The following ARFGEF2 variants were observed in gnomAD, a reference collection of about 807,000 sequenced individuals.
The protein encoded by ARFGEF2 is ARF guanine nucleotide exchange factor 2, also known as brefeldin A-inhibited guanine nucleotide-exchange protein 2.
Under a neutral mutation model 219.9 loss-of-function variants are expected in ARFGEF2, and 74 were observed. That is an observed-to-expected ratio of 0.34 (90% CI 0.28 to 0.41). ARFGEF2 has a LOEUF of 0.41. Ranked by LOEUF, ARFGEF2 falls within the 10% of genes least tolerant of loss-of-function variation. The pLI is 1.00. For synonymous variants in ARFGEF2, 733 were observed against 799.2 expected (o/e 0.92, Z 1.40); for missense variants, 1,743 against 2,218.3 (o/e 0.79, Z 4.30).
chr20:48,947,517 A>G (rs988845231), intron 3 of ARFGEF2, among the ~76,000 whole-genome samples: 20 of 152,144 alleles, frequency 1.3e-4, no homozygotes, highest in African/African-American at 3.6e-4. Flanking sequence ...CAACATAGGG[A>G]GACCTCATTT....
chr20:48,972,047 C>T (rs1334575545), intron 10 of ARFGEF2, among the ~76,000 whole-genome samples: 2 of 152,212 alleles, frequency 1.3e-5, no homozygotes, highest in East Asian at 1.9e-4. Context: ...TTGAGAAATC[C>T]TATTTTACAT....
At position 48,986,345 on chromosome 20, in the gene ARFGEF2, C is replaced by T. The variant is rs1414300081; in HGVS notation, c.2276+732C>T. 2.0e-5 allele frequency among the ~76,000 whole-genome samples: 3 copies of T among 152,194 alleles called. No homozygotes were observed. The East Asian group carries it at 5.8e-4, about 29-fold the overall frequency. On this transcript the variant is annotated intron_variant, in intron 16 of 38. Transcript: ENST00000371917. Reference sequence around the variant, plus strand: ...TTTCTCTAACTCAGAAGCTCATGTTCGGGCTGGATGCAGTAGCTCTTGCCT... The same window carrying T: ...TTTCTCTAACTCAGAAGCTCATGTTTGGGCTGGATGCAGTAGCTCTTGCCT...
Position 49,036,009 on chromosome 20 carries a change from GTA to G in ARFGEF2, c.*2812_*2813del. ...GTACGAAATGAAAAAAAAAAAACCT[GTA>G]TTTTTTTTGTTGTTCTTTTGTGATT... On this transcript the variant is annotated 3_prime_UTR_variant, in exon 39 of 39. Coordinates refer to ENST00000371917, the MANE Select transcript of ARFGEF2 (RefSeq NM_006420.3). The G allele has an allele frequency of 2.6e-6, 1 of 390,596 alleles. No individual in the cohort carries two copies. The allele number at this position is 390,596 out of a possible 1,614,324, so 24.2% of individuals were successfully genotyped here.
chr20:48,991,235 A>G (rs758902863), intron 21 of ARFGEF2, 37 bp downstream of exon 21: 2 of 1,613,432 alleles, frequency 1.2e-6, no homozygotes, highest in South Asian at 1.1e-5. Flanking sequence ...CTCAGTTAGG[A>G]TGACTCCTGG....
chr20:48,994,329 TA>T, intron 21 of ARFGEF2, 121 bp from the exon 22 acceptor site: 1 of 1,203,580 alleles, frequency 8.3e-7, no homozygotes, highest in Non-Finnish European at 1.2e-6. Flanking sequence ...TAAATTTGCA[TA>T]AACATCTATA....
chr20:49,007,753 G>A (rs1305777526), intron 26 of ARFGEF2, among the ~76,000 whole-genome samples: 1 of 152,132 alleles, frequency 6.6e-6, no homozygotes, highest in South Asian at 2.1e-4. Context: ...CATTTTAAGA[G>A]AACCAAAATT....
intron 16 of ARFGEF2, 105 bp from the exon 17 acceptor site, chr20:48,988,199 A>G: frequency 1.2e-6 from 1 of 803,756 alleles, no homozygotes; most frequent in Non-Finnish European, 2.1e-6. Flanking sequence ...ATTTGGAATC[A>G]AGGGGAGTAG....
chr20:48,967,580 G>A (rs1276500564), intron 8 of ARFGEF2, among the ~76,000 whole-genome samples: 1 of 152,140 alleles, frequency 6.6e-6, no homozygotes, highest in African/African-American at 2.4e-5. Flanking sequence ...GGAACATAGC[G>A]AGACCCCATC....
At chr20:48,948,165 T>C (rs1020219574) in intron 3 of ARFGEF2, among the ~76,000 whole-genome samples, 2 of 152,244 alleles carry the variant, frequency 1.3e-5, no homozygotes, top group African/African-American at 4.8e-5. Context: ...ATGAAGTTCC[T>C]TGGGCCACCA....
At chr20:49,020,934 C>A (rs898217438) in intron 34 of ARFGEF2, among the ~76,000 whole-genome samples, 11 of 152,172 alleles carry the variant, frequency 7.2e-5, no homozygotes, top group Admixed American at 7.2e-4. Context: ...CCAGCTCAGC[C>A]ATAAGCTCAG....
chr20:48,936,111 G>T (rs571620038), intron 1 of ARFGEF2, among the ~76,000 whole-genome samples: 1 of 137,840 alleles, frequency 7.3e-6, no homozygotes, highest in Non-Finnish European at 1.6e-5. Flanking sequence ...GGGGCGGCTG[G>T]CCGGGCGGGG....
chr20:49,028,576 C>A lies in ARFGEF2; in HGVS notation c.4971C>A (p.Ser1657Arg), dbSNP rs1179552636. Reference protein sequence around the residue: ...SKPNLLKQETSSLACCLRILF... With the variant: ...SKPNLLKQETRSLACCLRILF... ...CCAATCTTCTAAAACAAGAAACCAG[C>A]AGCCTGGCCTGTTGTTTGAGGATCC... The change falls in exon 37 of 39, where the codon AGC becomes AGA. Residue 1657 changes from serine to arginine, a missense_variant. Ser to Arg is a moderately radical substitution (Grantham distance 110, BLOSUM62 -1). This residue lies in a region of ARFGEF2 where 578 missense variants were observed against 664.0 expected (regional missense o/e 0.87). Transcript: ENST00000371917. The A allele has an allele frequency of 2.5e-6, 4 of 1,614,044 alleles. No individual in the cohort carries two copies. Among genetic ancestry groups the A allele is most frequent in the Non-Finnish European group, 3.4e-6 (4 of 1,180,012 alleles).
At chr20:48,961,066 G>A (rs990142233) in intron 6 of ARFGEF2, among the ~76,000 whole-genome samples, 2 of 117,930 alleles carry the variant, frequency 1.7e-5, no homozygotes, top group African/African-American at 2.7e-5. Flanking sequence ...GCAACAGAGC[G>A]AGACTCTGTC....
intron 8 of ARFGEF2, among the ~76,000 whole-genome samples, chr20:48,968,363 C>T (rs1025386981): frequency 1.3e-5 from 2 of 151,326 alleles, no homozygotes; most frequent in South Asian, 2.1e-4. Context: ...AAGTTTATTT[C>T]GTAATACCTA....
chr20:48,994,302 C>T, intron 21 of ARFGEF2, 149 bp from the exon 22 acceptor site: 1 of 942,438 alleles, frequency 1.1e-6, no homozygotes, highest in Non-Finnish European at 1.6e-6. Flanking sequence ...CTTTTTCTCT[C>T]TTTATTGAGA....
At chr20:48,998,534 TG>T (rs2091405262) in intron 25 of ARFGEF2, 29 bp downstream of exon 25, 4 of 1,572,370 alleles carry the variant, frequency 2.5e-6, no homozygotes, top group Non-Finnish European at 8.6e-7. Context: ...AAACCATTCC[TG>T]TTAAAAAAAA....
At chr20:49,001,792 T>C (rs1284793823) in intron 25 of ARFGEF2, among the ~76,000 whole-genome samples, 1 of 152,238 alleles carries the variant, frequency 6.6e-6, no homozygotes. Flanking sequence ...ATGTATGTAC[T>C]CATAGAAATA....
At chr20:49,032,879 C>A in intron 38 of ARFGEF2, 144 bp from the exon 39 acceptor site, 1 of 827,582 alleles carries the variant, frequency 1.2e-6, no homozygotes, top group South Asian at 1.6e-5. Flanking sequence ...AGGCGTGAAT[C>A]ACTGCGCTCG....
intron 1 of ARFGEF2, among the ~76,000 whole-genome samples, chr20:48,928,640 G>T (rs1041610840): frequency 6.7e-6 from 1 of 149,246 alleles, no homozygotes; most frequent in East Asian, 2.0e-4. Context: ...GACCACAGGC[G>T]CCCGCCACCA....
Sources: gnomAD v4.1 joint callset for allele counts (sites outside exome capture counted in the v4.1 genomes callset) on GRCh38, gnomAD v4.1.1 for gene constraint, gnomAD v4.1.1 regional missense constraint, MANE v1.5 for transcripts, NCBI Gene and HGNC (gene_info 2026-07-23, HGNC 2026-07-21) for gene names.